Variants in COL22A1 observed in about 807,000 individuals in gnomAD.
The protein encoded by COL22A1 is collagen type XXII alpha 1 chain.
In COL22A1, 221 loss-of-function variants were observed where a neutral mutation model predicts 248.9. The ratio of observed to expected loss-of-function variants is 0.89; its 90% confidence interval spans 0.80 to 0.99. The LOEUF (loss-of-function observed/expected upper bound fraction) is 0.99. Ranked by LOEUF, COL22A1 falls within the 50% of genes least tolerant of loss-of-function variation. COL22A1 has a pLI of 0.00. For missense variants in COL22A1, 2,240 were observed against 2,179.0 expected (o/e 1.03, Z -0.56); for synonymous variants, 891 against 793.4 (o/e 1.12, Z -2.07).
At chr8:138,641,186 T>G (rs1215169319) in intron 47 of COL22A1, among the ~76,000 whole-genome samples, 1 of 152,186 alleles carries the variant, frequency 6.6e-6, no homozygotes, top group East Asian at 1.9e-4. Context: ...ATGGAGTAAG[T>G]GGCTCTGGGT....
At chr8:138,670,534 A>G (rs1228356445) in intron 41 of COL22A1, among the ~76,000 whole-genome samples, 1 of 152,214 alleles carries the variant, frequency 6.6e-6, no homozygotes, top group Non-Finnish European at 1.5e-5. Context: ...TTCTTGGGAC[A>G]GCGTCAGTGG....
rs77194688 is a variant in COL22A1 at position 138,756,252 on chromosome 8, G to A, written c.1903-423C>T. Among the ~76,000 whole-genome samples the A allele has an allele frequency of 2.6e-3, 391 of 152,208 alleles. 5 individuals are homozygous for A. The highest frequency in any genetic ancestry group is 0.017 in the Admixed American group (255 of 15,292). ...TCTCTTATGCCAGGTTCATAGCTCC[G>A]CACACAGTCAGCATTCAATAAGTAT... On this transcript the variant is annotated intron_variant, in intron 18 of 64. Coordinates refer to ENST00000303045, the MANE Select transcript of COL22A1 (RefSeq NM_152888.3).
At chr8:138,897,505 T>C (rs1250702116) in intron 1 of COL22A1, among the ~76,000 whole-genome samples, 1 of 152,028 alleles carries the variant, frequency 6.6e-6, no homozygotes, top group African/African-American at 2.4e-5. Context: ...GCCAAGATCA[T>C]GCCACTGCAC....
chr8:138,793,733 G>A (rs1816261926), intron 12 of COL22A1, among the ~76,000 whole-genome samples: 1 of 152,144 alleles, frequency 6.6e-6, no homozygotes, highest in African/African-American at 2.4e-5. Context: ...GGCACCAGAA[G>A]GTGCCTTCAG....
intron 17 of COL22A1, among the ~76,000 whole-genome samples, chr8:138,761,850 G>A (rs994305229): frequency 1.3e-5 from 2 of 152,244 alleles, no homozygotes; most frequent in East Asian, 1.9e-4. Context: ...GGTTATCATC[G>A]TCTTATGTCT....
At chr8:138,816,174 A>G (rs1427080954) in intron 7 of COL22A1, among the ~76,000 whole-genome samples, 7 of 152,302 alleles carry the variant, frequency 4.6e-5, no homozygotes, top group Non-Finnish European at 2.9e-5. Flanking sequence ...GAAGGAGAAG[A>G]AGGAGACAGG....
chr8:138,595,159 G>T (rs1186377065), intron 62 of COL22A1, among the ~76,000 whole-genome samples: 3 of 152,150 alleles, frequency 2.0e-5, no homozygotes, highest in African/African-American at 7.2e-5. Flanking sequence ...GTAGAGTCAG[G>T]CTCTTCTGAC....
At chr8:138,833,270 G>A in intron 4 of COL22A1, 120 bp from the exon 5 acceptor site, 1 of 690,242 alleles carries the variant, frequency 1.4e-6, no homozygotes, top group East Asian at 2.7e-5. Flanking sequence ...GAACAGATCG[G>A]GAGGGAGTTG....
At chr8:138,809,377 C>A (rs1332714924) in intron 9 of COL22A1, among the ~76,000 whole-genome samples, 1 of 152,060 alleles carries the variant, frequency 6.6e-6, no homozygotes. Context: ...TGCTTAATGT[C>A]TATGGTTAGA....
Position 138,896,796 on chromosome 8 carries a change from A to T in COL22A1, c.-72-13552T>A, listed in dbSNP as rs2132135019. ...CAGACCAGCCTGGCTAACATGACGA[A>T]ACCCCGTCTCTGCTAAAAATACAAA... On this transcript the variant is annotated intron_variant, in intron 1 of 64. Coordinates refer to ENST00000303045, the MANE Select transcript of COL22A1 (RefSeq NM_152888.3). Among the ~76,000 whole-genome samples the T allele has an allele frequency of 1.3e-5, 2 of 152,234 alleles. 1 individual carries two copies. The highest frequency in any genetic ancestry group is 4.1e-4 in the South Asian group (2 of 4,826).
At chr8:138,742,859 A>C in intron 22 of COL22A1, among the ~76,000 whole-genome samples, 1 of 146,316 alleles carries the variant, frequency 6.8e-6, no homozygotes, top group African/African-American at 2.6e-5. Context: ...GGTAGAGTTG[A>C]TGATGATGGT....
chr8:138,615,533 A>T (rs79101561), intron 55 of COL22A1, among the ~76,000 whole-genome samples: 2 of 147,812 alleles, frequency 1.4e-5, no homozygotes, highest in African/African-American at 4.9e-5. Context: ...TCCATCTCAA[A>T]AAAAAAAAAA....
At chr8:138,812,064 G>A (rs1319108814) in intron 8 of COL22A1, 143 bp from the exon 9 acceptor site, 3 of 1,040,208 alleles carry the variant, frequency 2.9e-6, no homozygotes, top group Non-Finnish European at 4.1e-6. Context: ...GAGGCCTTGG[G>A]GCAGAAAGCC....
At position 138,716,257 on chromosome 8, in the gene COL22A1, G is replaced by T. The variant is rs767824998; in HGVS notation, c.2433C>A (p.Phe811Leu). ...GEAGLPGAPGFPGVRGEKGDQ... is the reference protein window; with the variant it reads ...GEAGLPGAPGLPGVRGEKGDQ... ...CTCCTTTCTCTCCTCTCACACCTGG[G>T]AAGCCTGGAGCCCCTGGGAGGCCTG... The change falls in exon 29 of 65, where the codon TTC becomes TTA. Residue 811 changes from phenylalanine to leucine, a missense_variant. Physicochemically the swap from Phe to Leu is conservative, Grantham distance 22. Coordinates refer to ENST00000303045, the MANE Select transcript of COL22A1 (RefSeq NM_152888.3). The T allele has an allele frequency of 2.5e-6, 4 of 1,592,862 alleles. No homozygotes were observed. In the South Asian group the frequency reaches 3.4e-5, roughly 14 times the overall value.
intron 12 of COL22A1, among the ~76,000 whole-genome samples, chr8:138,790,265 G>A (rs967601882): frequency 2.6e-5 from 4 of 152,120 alleles, no homozygotes; most frequent in African/African-American, 4.8e-5. Context: ...GGACAAACGG[G>A]CTCTCTGGGA....
At chr8:138,776,248 C>T (rs888195322) in intron 15 of COL22A1, among the ~76,000 whole-genome samples, 3 of 152,160 alleles carry the variant, frequency 2.0e-5, no homozygotes, top group Non-Finnish European at 4.4e-5. Context: ...CTGGGCTTGT[C>T]CCTTGGCTTA....
At chr8:138,694,616 G>A (rs1290815658) in intron 33 of COL22A1, 55 bp from the exon 34 acceptor site, 6 of 1,566,800 alleles carry the variant, frequency 3.8e-6, no homozygotes, top group Non-Finnish European at 3.5e-6. Flanking sequence ...CTGAGCAGAT[G>A]GGCGGATGGG....
At chr8:138,851,093 G>A (rs770417505) in intron 3 of COL22A1, among the ~76,000 whole-genome samples, 3 of 152,222 alleles carry the variant, frequency 2.0e-5, no homozygotes, top group African/African-American at 7.2e-5. Flanking sequence ...AGAGAGGCAA[G>A]TCAGCCATGG....
intron 22 of COL22A1, among the ~76,000 whole-genome samples, chr8:138,743,852 A>G (rs1831896902): frequency 6.6e-6 from 1 of 152,156 alleles, no homozygotes; most frequent in Non-Finnish European, 1.5e-5. Context: ...ATGGAGAGGA[A>G]GGAAGCCTAT....
Sources: gnomAD v4.1 joint callset for allele counts (sites outside exome capture counted in the v4.1 genomes callset) on GRCh38, gnomAD v4.1.1 for gene constraint, MANE v1.5 for transcripts, NCBI Gene and HGNC (gene_info 2026-07-23, HGNC 2026-07-21) for gene names.